The following PRKN variants were observed in gnomAD, a reference collection of about 807,000 sequenced individuals.
The protein encoded by PRKN is parkin RBR E3 ubiquitin protein ligase.
In PRKN, 56 loss-of-function variants were observed where a neutral mutation model predicts 59.5. That is an observed-to-expected ratio of 0.94 (90% CI 0.76 to 1.18). The LOEUF is 1.18. Ranked by LOEUF, PRKN falls within the 50% of genes most tolerant of loss-of-function variation. PRKN has a pLI of 0.00. For synonymous variants in PRKN, 250 were observed against 222.1 expected (o/e 1.13, Z -1.12); for missense variants, 657 against 596.4 (o/e 1.10, Z -1.06).
intron 1 of PRKN, among the ~76,000 whole-genome samples, chr6:162,657,546 CA>C (rs975333389): frequency 4.8e-4 from 73 of 152,204 alleles, no homozygotes; most frequent in African/African-American, 1.7e-3. Flanking sequence ...GTTTTCAGGA[CA>C]AAGAATACAT....
intron 7 of PRKN, among the ~76,000 whole-genome samples, chr6:161,753,846 T>C (rs553096878): frequency 3.2e-4 from 48 of 152,262 alleles, no homozygotes; most frequent in African/African-American, 1.1e-3. Flanking sequence ...TTCTACTTTA[T>C]CATTTTACAT....
rs183993013 is a variant in PRKN at position 161,496,804 on chromosome 6, C to A, written c.1083+52050G>T. On this transcript the variant is annotated intron_variant, in intron 9 of 11. Transcript: ENST00000366898. ...GGAGGGAGACACAGCAAGAAGGTGGCCATGAGATGATGGGAGCAGAGACTG... is the reference window on the plus strand; with the variant it reads ...GGAGGGAGACACAGCAAGAAGGTGGACATGAGATGATGGGAGCAGAGACTG... Among the ~76,000 whole-genome samples the A allele has an allele frequency of 2.6e-3, 389 of 152,248 alleles. 2 individuals carry two copies. Among genetic ancestry groups the A allele is most frequent in the South Asian group, 7.9e-3 (38 of 4,822 alleles).
At chr6:162,428,872 G>A (rs1424231895) in intron 2 of PRKN, among the ~76,000 whole-genome samples, 1 of 152,038 alleles carries the variant, frequency 6.6e-6, no homozygotes, top group Non-Finnish European at 1.5e-5. Context: ...CCCACTCTAG[G>A]TCCTTTGCTC....
intron 10 of PRKN, among the ~76,000 whole-genome samples, chr6:161,364,498 A>T (rs1785115421): frequency 6.7e-6 from 1 of 148,250 alleles, no homozygotes; most frequent in Non-Finnish European, 1.5e-5. Context: ...AAAAAAAAAA[A>T]AGAAACATGG....
rs1554283741 is a variant in PRKN at position 162,201,168 on chromosome 6, C to T, written c.497G>A (p.Cys166Tyr). ...RVQPGKLRVQ[C>Y]STCRQATLTL... ...GAGCGTTGCCTGCCTGCAGGTGCTG[C>T]ACTGTACCCTGAGTTTTCCCGGCTG... The change falls in exon 4 of 12, where the codon TGC (cysteine) becomes TAC (tyrosine). Residue 166 changes from cysteine (C) to tyrosine (Y), a missense_variant. Physicochemically the swap from Cys to Tyr is radical, Grantham distance 194. Transcript: ENST00000366898. 4 of 1,614,152 alleles carry T rather than the reference C, an allele frequency of 2.5e-6. No individual in the cohort carries two copies. The highest frequency in any genetic ancestry group is 3.4e-6 in the Non-Finnish European group (4 of 1,180,002).
Position 161,386,290 on chromosome 6 carries a change from G to A in PRKN, c.1167+504C>T, listed in dbSNP as rs1482582114. Reference sequence around the variant, plus strand: ...GATAGCACCTTAGAGAGTGAGGCTCGGCCAACACATTCTTTACTTAATGAG... The same window carrying A: ...GATAGCACCTTAGAGAGTGAGGCTCAGCCAACACATTCTTTACTTAATGAG... On this transcript the variant is annotated intron_variant, in intron 10 of 11. Coordinates refer to ENST00000366898, the MANE Select transcript of PRKN (RefSeq NM_004562.3). The surrounding 1 kb of genome is among the most constrained non-coding windows in gnomAD (Gnocchi z 4.3). Among the ~76,000 whole-genome samples, 4 of 152,188 alleles carry A rather than the reference G, an allele frequency of 2.6e-5. No homozygotes were observed. Among genetic ancestry groups the A allele is most frequent in the African/African-American group, 7.2e-5 (3 of 41,502 alleles).
At chr6:162,676,689 GACA>G (rs1435497244) in intron 1 of PRKN, among the ~76,000 whole-genome samples, 1 of 152,192 alleles carries the variant, frequency 6.6e-6, no homozygotes, top group East Asian at 1.9e-4. Flanking sequence ...AAAAGTTACT[GACA>G]ACAGAATGTG....
intron 6 of PRKN, among the ~76,000 whole-genome samples, chr6:161,788,806 G>C (rs936628750): frequency 2.6e-5 from 4 of 152,164 alleles, no homozygotes; most frequent in African/African-American, 9.7e-5. Context: ...AAGTTACAGG[G>C]AGTCAAAAAT....
Position 161,562,413 on chromosome 6 carries a change from CA to C in PRKN, c.933+6941del, listed in dbSNP as rs1172554452. Among the ~76,000 whole-genome samples, 1 of 152,222 alleles carries C rather than the reference CA, an allele frequency of 6.6e-6. No individual in the cohort carries two copies. Among genetic ancestry groups the C allele is most frequent in the Admixed American group, 6.5e-5 (1 of 15,286 alleles). On this transcript the variant is annotated intron_variant, in intron 8 of 11. Transcript: ENST00000366898. This position sits in a 1 kb window ranked among gnomAD's most constrained non-coding sequence, Gnocchi z 4.3. ...CCTTTGTTGGTTGCTGCTCTTTACC[CA>C]ATTTCCAAACACTGGTGTTCCTTAC...
chr6:161,367,663 G>C (rs953171561), intron 10 of PRKN, among the ~76,000 whole-genome samples: 1 of 152,082 alleles, frequency 6.6e-6, no homozygotes, highest in Non-Finnish European at 1.5e-5. Flanking sequence ...CTCAGACCTC[G>C]GCACGGGCTA....
At chr6:161,954,442 T>C (rs1211880367) in intron 6 of PRKN, among the ~76,000 whole-genome samples, 1 of 152,210 alleles carries the variant, frequency 6.6e-6, no homozygotes, top group East Asian at 1.9e-4. Flanking sequence ...CTGACCTTTT[T>C]TCCACTCCAT....
At chr6:162,072,118 AG>A (rs2128290982) in intron 4 of PRKN, among the ~76,000 whole-genome samples, 1 of 152,218 alleles carries the variant, frequency 6.6e-6, no homozygotes, top group South Asian at 2.1e-4. Context: ...TTTGCACGTC[AG>A]GAGGATAAAA....
In PRKN at chr6:162,437,854, G is replaced by A. The variant is rs139256051; in HGVS notation, c.171+5456C>T. ...ACTGAAAGACATCAGAGTTGTTTCCGTGTTCTGCTAATGTGAATAAAACTG... is the reference window on the plus strand; with the variant it reads ...ACTGAAAGACATCAGAGTTGTTTCCATGTTCTGCTAATGTGAATAAAACTG... On this transcript the variant is annotated intron_variant, in intron 2 of 11. Transcript: ENST00000366898. Among the ~76,000 whole-genome samples the A allele has an allele frequency of 2.8e-4, 43 of 152,236 alleles. 1 individual carries two copies. In the East Asian group the frequency reaches 6.6e-3, roughly 23 times the overall value.
intron 1 of PRKN, among the ~76,000 whole-genome samples, chr6:162,626,157 T>A (rs1437305718): frequency 1.3e-5 from 2 of 152,200 alleles, no homozygotes; most frequent in Admixed American, 6.5e-5. Flanking sequence ...AGTGCAATAT[T>A]TCTGGTAGAT....
chr6:161,599,192 C>T (rs957467279), intron 7 of PRKN, among the ~76,000 whole-genome samples: 2 of 152,232 alleles, frequency 1.3e-5, no homozygotes, highest in African/African-American at 4.8e-5. Context: ...CAGTAAGTTC[C>T]TGTTGTTTTA....
chr6:161,535,750 G>A (rs1583201498), intron 9 of PRKN, among the ~76,000 whole-genome samples: 1 of 152,222 alleles, frequency 6.6e-6, no homozygotes, highest in African/African-American at 2.4e-5. Flanking sequence ...ACCTGGGGCT[G>A]AGCCACCTTG....
Position 161,562,393 on chromosome 6 carries a change from G to T in PRKN, c.933+6962C>A, listed in dbSNP as rs1053277805. Among the ~76,000 whole-genome samples, 2 of 152,182 alleles carry T rather than the reference G, an allele frequency of 1.3e-5. No homozygotes were observed. Among genetic ancestry groups the T allele is most frequent in the Admixed American group, 6.5e-5 (1 of 15,288 alleles). On this transcript the variant is annotated intron_variant, in intron 8 of 11. Coordinates refer to ENST00000366898, the MANE Select transcript of PRKN (RefSeq NM_004562.3). This position sits in a 1 kb window ranked among gnomAD's most constrained non-coding sequence, Gnocchi z 4.3. Reference sequence around the variant, plus strand: ...TTGAGGTTCCTTCTTGGTCTCCTTTGTTGGTTGCTGCTCTTTACCCAATTT... The same window carrying T: ...TTGAGGTTCCTTCTTGGTCTCCTTTTTTGGTTGCTGCTCTTTACCCAATTT...
chr6:162,564,802 A>T (rs964979452), intron 1 of PRKN, among the ~76,000 whole-genome samples: 1 of 152,070 alleles, frequency 6.6e-6, no homozygotes, highest in Admixed American at 6.6e-5. Context: ...CCAGACAAAC[A>T]AAAGCTGGAG....
intron 1 of PRKN, among the ~76,000 whole-genome samples, chr6:162,715,975 G>A (rs779420900): frequency 2.6e-5 from 4 of 152,130 alleles, no homozygotes; most frequent in Non-Finnish European, 4.4e-5. Context: ...ACAATGAAGC[G>A]TACCTCCATG....
Sources: allele counts gnomAD v4.1 joint callset (sites outside exome capture counted in the v4.1 genomes callset), GRCh38; gene constraint gnomAD v4.1.1; non-coding constraint Gnocchi (gnomAD v3.1); transcripts MANE v1.5; gene names NCBI Gene and HGNC (gene_info 2026-07-23, HGNC 2026-07-21).